CLNK: variants seen among roughly 807,000 people sequenced by gnomAD.
CLNK encodes the protein cytokine-dependent hematopoietic cell linker.
CLNK carries 74 observed loss-of-function variants against 68.6 expected under a neutral mutation model. That is an observed-to-expected ratio of 1.08 (90% confidence interval 0.89 to 1.31). The LOEUF (loss-of-function observed/expected upper bound fraction) is 1.31, where lower values mean the gene tolerates loss of function less well. CLNK is among the 50% of genes most tolerant of loss of function. The pLI, the probability that CLNK is intolerant of heterozygous loss-of-function variation, is 0.00. For missense variants in CLNK, 553 were observed against 515.3 expected (o/e 1.07, Z -0.71); for synonymous variants, 198 against 172.2 (o/e 1.15, Z -1.17).
chr4:10,646,022 A>G (rs1723497491), intron 2 of CLNK, among the ~76,000 whole-genome samples: 1 of 152,172 alleles, frequency 6.6e-6, no homozygotes. Flanking sequence ...AATATGATTT[A>G]TATATGGGGG....
chr4:10,538,329 A>G (rs1286942023), intron 11 of CLNK, among the ~76,000 whole-genome samples: 1 of 152,130 alleles, frequency 6.6e-6, no homozygotes, highest in Non-Finnish European at 1.5e-5. Context: ...GGGTTTCACC[A>G]TGTTGGCCAG....
At chr4:10,626,987 C>T (rs890115612) in intron 2 of CLNK, among the ~76,000 whole-genome samples, 5 of 152,162 alleles carry the variant, frequency 3.3e-5, no homozygotes, top group Non-Finnish European at 5.9e-5. Flanking sequence ...ATCTGGTTCT[C>T]ATGATACAGC....
chr4:10,613,919 G>C (rs1186025373), intron 2 of CLNK, among the ~76,000 whole-genome samples: 1 of 152,186 alleles, frequency 6.6e-6, no homozygotes, highest in Admixed American at 6.5e-5. Context: ...GTCTCACCTG[G>C]AGAATGTGCT....
chr4:10,655,637 ATTTTTTTTTTTTT>A (rs869196104), intron 2 of CLNK, among the ~76,000 whole-genome samples: 1 of 74,780 alleles, frequency 1.3e-5, no homozygotes, highest in Non-Finnish European at 2.5e-5. Flanking sequence ...GATAGATAGC[ATTTTTTTTTTTTT>A]TTTTTTTTTT....
the CLNK span, among the ~76,000 whole-genome samples, chr4:10,690,217 C>G: frequency 6.6e-6 from 1 of 152,076 alleles, no homozygotes; most frequent in Non-Finnish European, 1.5e-5. Context: ...CTACTTTACT[C>G]TCTCTAGCAA....
intron 4 of CLNK, among the ~76,000 whole-genome samples, chr4:10,573,670 G>C (rs1444346722): frequency 1.3e-5 from 2 of 152,108 alleles, no homozygotes; most frequent in African/African-American, 2.4e-5. Flanking sequence ...TTTAATTCAG[G>C]GTTCAATATA....
chr4:10,573,747 G>A (rs747174132), intron 4 of CLNK, among the ~76,000 whole-genome samples: 85 of 152,048 alleles, frequency 5.6e-4, no homozygotes, highest in Non-Finnish European at 9.1e-4. Context: ...GGGGAGCTGC[G>A]GGGTCTCCTT....
At position 10,513,828 on chromosome 4, in the gene CLNK, T is replaced by TAAAA. The variant is rs1302310752; in HGVS notation, c.773-232_773-231insTTTT. On this transcript the variant is annotated intron_variant, in intron 15 of 18. Transcript: ENST00000226951. ...GGGCTCCCAGAGTCATCTTTTTTTT[T>TAAAA]TTAAATTATTATTATTATTATTATT... is the stretch of plus-strand genomic sequence containing the variant. 1.6e-3 allele frequency among the ~76,000 whole-genome samples: 235 copies of TAAAA among 148,802 alleles called. 1 individual carries two copies. Among genetic ancestry groups the TAAAA allele is most frequent in the African/African-American group, 5.5e-3 (224 of 41,040 alleles).
chr4:10,513,597 T>C lies in CLNK; in HGVS notation c.773A>G (p.Asp258Gly). 6.3e-7 allele frequency: 1 copy of C among 1,594,014 alleles called. No homozygotes were observed. The highest frequency in any genetic ancestry group is 8.5e-7 in the Non-Finnish European group (1 of 1,170,388). Residue 258 changes from aspartate (D) to glycine (G), a missense_variant and splice_region_variant, in exon 16 of 19, where the codon GAT becomes GGT. By Grantham distance (94) the Asp-to-Gly change is moderately conservative (BLOSUM62 -1). Transcript: ENST00000226951. ...ACAGGGCTGCATGCCTCCTCTATGA[T>C]CTGGAAAGGTTAAATTCACATTTCA... ...TTSNHSVQNR[D>G]HRGGMQPCSP...
Position 10,674,338 on chromosome 4 carries a change from C to G in CLNK, c.-42-6427G>C, listed in dbSNP as rs151232660. Among the ~76,000 whole-genome samples the G allele has an allele frequency of 5.9e-5, 9 of 152,246 alleles. No homozygotes were observed. The East Asian group carries it at 1.7e-3, about 29-fold the overall frequency. Reference sequence around the variant, plus strand: ...TTATTTCTCCAACAAGAAAAAACACCACTGTACTGAGTGCTAGACGCCAAT... The same window carrying G: ...TTATTTCTCCAACAAGAAAAAACACGACTGTACTGAGTGCTAGACGCCAAT... On this transcript the variant is annotated intron_variant, in intron 1 of 18. Coordinates refer to ENST00000226951, the MANE Select transcript of CLNK (RefSeq NM_052964.4).
intron 7 of CLNK, among the ~76,000 whole-genome samples, chr4:10,563,454 T>A (rs1295257317): frequency 6.6e-6 from 1 of 152,170 alleles, no homozygotes; most frequent in East Asian, 1.9e-4. Context: ...TAATTGAAAA[T>A]CCCATAGTGG....
intron 2 of CLNK, among the ~76,000 whole-genome samples, chr4:10,633,330 C>T (rs964777215): frequency 2.6e-5 from 4 of 152,176 alleles, no homozygotes; most frequent in Non-Finnish European, 4.4e-5. Flanking sequence ...AAGTCGACAG[C>T]GTTATTCTTT....
At chr4:10,563,363 T>A (rs1719972835) in intron 7 of CLNK, among the ~76,000 whole-genome samples, 1 of 152,172 alleles carries the variant, frequency 6.6e-6, no homozygotes, top group South Asian at 2.1e-4. Context: ...GGATGGTAAA[T>A]GGAAACAATT....
intron 5 of CLNK, among the ~76,000 whole-genome samples, chr4:10,568,173 A>T (rs1390104564): frequency 6.6e-6 from 1 of 152,230 alleles, no homozygotes; most frequent in Non-Finnish European, 1.5e-5. Context: ...AGTGTTGTAT[A>T]GTCACACAAT....
At position 10,512,301 on chromosome 4, in the gene CLNK, G is replaced by A. The variant is rs144657847; in HGVS notation, c.906+1163C>T. 7.6e-3 allele frequency among the ~76,000 whole-genome samples: 1,160 copies of A among 151,992 alleles called. 11 individuals are homozygous for A. Among genetic ancestry groups the A allele is most frequent in the Middle Eastern group, 0.037 (11 of 294 alleles). On this transcript the variant is annotated intron_variant, in intron 16 of 18. Transcript: ENST00000226951. ...GCTGGAGTGCAGTAGTGAGATCTTG[G>A]CTCACTGCAACCTCCATCTCCCAGG...
chr4:10,565,012 T>C (rs955841814), intron 6 of CLNK, among the ~76,000 whole-genome samples: 2 of 152,204 alleles, frequency 1.3e-5, no homozygotes, highest in Non-Finnish European at 2.9e-5. Context: ...ATTTTCTCAT[T>C]CACCTTAGAA....
At chr4:10,670,339 A>T (rs2108895386) in intron 1 of CLNK, among the ~76,000 whole-genome samples, 1 of 152,376 alleles carries the variant, frequency 6.6e-6, no homozygotes, top group Non-Finnish European at 1.5e-5. Context: ...CCATCCCTTA[A>T]GAGTATCTAC....
intron 2 of CLNK, among the ~76,000 whole-genome samples, chr4:10,667,148 G>A (rs1724431088): frequency 1.3e-5 from 2 of 152,150 alleles, no homozygotes; most frequent in South Asian, 4.2e-4. Context: ...GGGCAAGGGA[G>A]TTAAAGTAGG....
chr4:10,722,990 G>C, the CLNK span, among the ~76,000 whole-genome samples: 2 of 151,992 alleles, frequency 1.3e-5, no homozygotes, highest in Non-Finnish European at 2.9e-5. Flanking sequence ...GTTGCAGTTA[G>C]CTGAGATCAC....
Sources: allele counts gnomAD v4.1 joint callset (sites outside exome capture counted in the v4.1 genomes callset), GRCh38; gene constraint gnomAD v4.1.1; transcripts MANE v1.5; gene names NCBI Gene and HGNC (gene_info 2026-07-23, HGNC 2026-07-21).